BICD2: variants seen among roughly 807,000 people sequenced by gnomAD.
The protein encoded by BICD2 is protein bicaudal D homolog 2.
A neutral mutation model predicts 72.9 loss-of-function variants in BICD2; 25 were observed. The observed-to-expected ratio is 0.34, with a 90% CI of 0.25 to 0.48. The LOEUF (loss-of-function observed/expected upper bound fraction) is 0.48. BICD2 is among the 20% of genes least tolerant of loss of function. The probability of loss-of-function intolerance (pLI) is 0.99; values close to 1 mark genes in which losing one functional copy is unlikely to be tolerated. For synonymous variants in BICD2, 501 were observed against 516.1 expected, an observed-to-expected ratio of 0.97 and a Z score of 0.40; for missense variants, 894 against 1,175.2, an observed-to-expected ratio of 0.76 and a Z score of 3.50.
chr9:92,718,930 C>A lies in BICD2; in HGVS notation c.1715G>T (p.Arg572Leu), dbSNP rs777902159. 1 of 1,607,484 alleles carries A rather than the reference C, an allele frequency of 6.2e-7. No individual in the cohort carries two copies. Among genetic ancestry groups the A allele is most frequent in the South Asian group, 1.1e-5 (1 of 90,848 alleles). ...GGAGRTSPGG[R>L]TSPEARGRRS... ...CCGGCCACGCGCCTCGGGGCTGGTG[C>A]GGCCCCCGGGACTGGTGCGGCCGGC... Residue 572 changes from arginine to leucine, a missense_variant, in exon 5 of 7, where the codon CGC becomes CTC. Coordinates refer to ENST00000356884, the MANE Select transcript of BICD2 (RefSeq NM_001003800.2).
chr9:92,715,748 C>T lies in BICD2; in HGVS notation c.2259-285G>A, dbSNP rs115497220. Among the ~76,000 whole-genome samples the T allele has an allele frequency of 9.0e-3, 1,371 of 152,316 alleles. 22 individuals are homozygous for T. Among genetic ancestry groups the T allele is most frequent in the African/African-American group, 0.032 (1,323 of 41,562 alleles). ...TTGTGGTTTTGTGGGGGAGGGGCTG[C>T]TTTGCTCTTTCAGCTGCATGTAGTG... On this transcript the variant is annotated intron_variant, in intron 6 of 6. Coordinates refer to ENST00000356884, the MANE Select transcript of BICD2 (RefSeq NM_001003800.2).
rs924132338 is a variant in BICD2 at position 92,711,823 on chromosome 9, T to C, written c.*3331A>G. On this transcript the variant is annotated 3_prime_UTR_variant, in exon 7 of 7. Coordinates refer to ENST00000356884, the MANE Select transcript of BICD2 (RefSeq NM_001003800.2). ...CTTATTCCAGGAAACAGAATTCTTTTATTTTTGTCATTTATATTATTATAA... is the reference window on the plus strand; with the variant it reads ...CTTATTCCAGGAAACAGAATTCTTTCATTTTTGTCATTTATATTATTATAA... 1 of 152,516 alleles carries C rather than the reference T, an allele frequency of 6.6e-6. No homozygotes were observed. Among genetic ancestry groups the C allele is most frequent in the Non-Finnish European group, 1.5e-5 (1 of 68,042 alleles). The allele number at this position is 152,516 out of a possible 1,614,324, so 9.4% of individuals were successfully genotyped here.
intron 1 of BICD2, among the ~76,000 whole-genome samples, chr9:92,760,800 G>A (rs772957214): frequency 6.6e-6 from 1 of 152,124 alleles, no homozygotes; most frequent in Non-Finnish European, 1.5e-5. Flanking sequence ...AGGCCCTTGG[G>A]TCTCCCAGAG....
Position 92,713,289 on chromosome 9 carries a change from TA to T in BICD2, c.*1864del. The T allele has an allele frequency of 2.6e-6, 2 of 770,858 alleles. No homozygotes were observed. Among genetic ancestry groups the T allele is most frequent in the East Asian group, 2.7e-5 (1 of 36,656 alleles). The allele number at this position is 770,858 out of a possible 1,614,324, so 47.8% of individuals were successfully genotyped here. A position where few individuals can be genotyped will look rare whatever the true frequency, so the allele number is the denominator to read the frequency against. On this transcript the variant is annotated 3_prime_UTR_variant, in exon 7 of 7. Coordinates refer to ENST00000356884, the MANE Select transcript of BICD2 (RefSeq NM_001003800.2). The stretch of plus-strand genomic sequence containing the variant: ...ACATTAAAGCTTTTTTTCCTCCCAT[TA>T]AAAACCTGGGGAATGCTATTTTGAA...
chr9:92,721,095 C>A (rs1057020747), intron 3 of BICD2, among the ~76,000 whole-genome samples: 4 of 152,198 alleles, frequency 2.6e-5, no homozygotes, highest in Admixed American at 6.5e-5. Context: ...GGAGATGCAC[C>A]AAGAACAACA....
intron 2 of BICD2, among the ~76,000 whole-genome samples, chr9:92,723,660 C>A (rs1217574445): frequency 1.3e-5 from 2 of 152,172 alleles, no homozygotes; most frequent in Non-Finnish European, 2.9e-5. Context: ...ATAAAATACA[C>A]TGAGTTGTAC....
chr9:92,764,814 G>GCCGCCGCCGCCA lies in BICD2; in HGVS notation c.-71_-70insTGGCGGCGGCGG. On this transcript the variant is annotated 5_prime_UTR_variant, in exon 1 of 7. Transcript: ENST00000356884. The surrounding 1 kb of genome is among the most constrained non-coding windows in gnomAD (Gnocchi z 5.5). The stretch of plus-strand genomic sequence containing the variant: ...CGGGCCCTCCTCAGCCGCCGCCGCT[G>GCCGCCGCCGCCA]CCGCCGCCGCCGCCGCCCTGCCCCG... 1 of 1,102,564 alleles carries GCCGCCGCCGCCA rather than the reference G, an allele frequency of 9.1e-7. No homozygotes were observed. Among genetic ancestry groups the GCCGCCGCCGCCA allele is most frequent in the Non-Finnish European group, 1.1e-6 (1 of 900,132 alleles). The allele number at this position is 1,102,564 out of a possible 1,614,324, so 68.3% of individuals were successfully genotyped here.
At position 92,735,321 on chromosome 9, in the gene BICD2, G is replaced by A. The variant is rs536779140; in HGVS notation, c.241-6085C>T. 7.9e-4 allele frequency among the ~76,000 whole-genome samples: 120 copies of A among 152,220 alleles called. 1 individual carries two copies. In the South Asian group the frequency reaches 1.0e-2, roughly 13 times the overall value. On this transcript the variant is annotated intron_variant, in intron 1 of 6. Coordinates refer to ENST00000356884, the MANE Select transcript of BICD2 (RefSeq NM_001003800.2). Reference sequence around the variant, plus strand: ...AGGTCCTGCACAGTGGCATGGCCTCGGGACAGGCTGCAGGACAGACGCTGG... The same window carrying A: ...AGGTCCTGCACAGTGGCATGGCCTCAGGACAGGCTGCAGGACAGACGCTGG...
chr9:92,740,195 C>G (rs1430675086), intron 1 of BICD2, among the ~76,000 whole-genome samples: 1 of 152,034 alleles, frequency 6.6e-6, no homozygotes, highest in African/African-American at 2.4e-5. Context: ...TACCAGGACT[C>G]AGGGCATAAG....
At chr9:92,749,625 G>A (rs1854106660) in intron 1 of BICD2, among the ~76,000 whole-genome samples, 1 of 152,252 alleles carries the variant, frequency 6.6e-6, no homozygotes, top group South Asian at 2.1e-4. Flanking sequence ...TCCCTGGGCA[G>A]GAGGGATTTA....
In BICD2 at chr9:92,711,864, A is replaced by AG. The variant is rs1468510303; in HGVS notation, c.*3289dup. 3.9e-5 allele frequency: 6 copies of AG among 152,366 alleles called. No individual in the cohort carries two copies. Among genetic ancestry groups the AG allele is most frequent in the Non-Finnish European group, 8.8e-5 (6 of 67,988 alleles). The allele number at this position is 152,366 out of a possible 1,614,324, so 9.4% of individuals were successfully genotyped here. ...ATTATTATAATTTTTCCTTTTTTGGAGAAGGAAGGACAGTTTTTCTTCCTC... is the reference window on the plus strand; with the variant it reads ...ATTATTATAATTTTTCCTTTTTTGGAGGAAGGAAGGACAGTTTTTCTTCCTC... On this transcript the variant is annotated 3_prime_UTR_variant, in exon 7 of 7. Coordinates refer to ENST00000356884, the MANE Select transcript of BICD2 (RefSeq NM_001003800.2).
At position 92,764,654 on chromosome 9, in the gene BICD2, G is replaced by T; in HGVS notation, c.91C>A (p.His31Asn). ...TCACGCGTGGTCTCGGCCAGCTCGT[G>T]GGACAGCCGCTTCACCTCGGCGCGC... Reference protein sequence around the residue: ...WLRAEVKRLSHELAETTREKI... With the variant: ...WLRAEVKRLSNELAETTREKI... The change falls in exon 1 of 7, where the codon CAC (histidine) becomes AAC (asparagine). Residue 31 changes from histidine (H) to asparagine (N), a missense_variant. His to Asn is a moderately conservative substitution (Grantham distance 68). Transcript: ENST00000356884. This position sits in a 1 kb window ranked among gnomAD's most constrained non-coding sequence, Gnocchi z 5.5. The T allele has an allele frequency of 6.3e-7, 1 of 1,592,140 alleles. No individual in the cohort carries two copies.
Position 92,713,273 on chromosome 9 carries a change from C to CT in BICD2, c.*1880dup. ...GCTCGCAGCATGCTCAACATTAAAGCTTTTTTTCCTCCCATTAAAAACCTG... is the reference window on the plus strand; with the variant it reads ...GCTCGCAGCATGCTCAACATTAAAGCTTTTTTTTCCTCCCATTAAAAACCTG... On this transcript the variant is annotated 3_prime_UTR_variant, in exon 7 of 7. Transcript: ENST00000356884. The CT allele has an allele frequency of 2.9e-6, 2 of 692,558 alleles. No individual in the cohort carries two copies. The highest frequency in any genetic ancestry group is 4.8e-6 in the Non-Finnish European group (2 of 412,916). The allele number at this position is 692,558 out of a possible 1,614,324, so 42.9% of individuals were successfully genotyped here. A position where few individuals can be genotyped will look rare whatever the true frequency, so the allele number is the denominator to read the frequency against.
chr9:92,719,410 T>C lies in BICD2; in HGVS notation c.1235A>G (p.Asn412Ser). Residue 412 changes from asparagine to serine, a missense_variant, in exon 5 of 7, where the codon AAC (asparagine) becomes AGC (serine). Physicochemically the swap from Asn to Ser is conservative, Grantham distance 46. Coordinates refer to ENST00000356884, the MANE Select transcript of BICD2 (RefSeq NM_001003800.2). Reference sequence around the variant, plus strand: ...CTCATGGCTGTCACGGTCCTTCTCGTTGTCCAGGGCTGTCTGCCGCTCCTT... The same window carrying C: ...CTCATGGCTGTCACGGTCCTTCTCGCTGTCCAGGGCTGTCTGCCGCTCCTT... Reference protein sequence around the residue: ...ASKERQTALDNEKDRDSHEDG... With the variant: ...ASKERQTALDSEKDRDSHEDG... The C allele has an allele frequency of 1.9e-6, 3 of 1,614,124 alleles. No homozygotes were observed. The highest frequency in any genetic ancestry group is 2.5e-6 in the Non-Finnish European group (3 of 1,179,994).
chr9:92,719,226 G>C lies in BICD2; in HGVS notation c.1419C>G (p.Arg473=). The change falls in exon 5 of 7, where the codon CGC becomes CGG. Residue 473 remains arginine, a synonymous_variant. Transcript: ENST00000356884. ...TGAGTGCCTGGCCCTCAGCCTCATA[G>C]CGGCCCTTCTCCTCGGCGTGCTGGG... ...REAQHAEEKG[R]YEAEGQALTE... 6.2e-7 allele frequency: 1 copy of C among 1,611,800 alleles called. No individual in the cohort carries two copies. Among genetic ancestry groups the C allele is most frequent in the African/African-American group, 1.3e-5 (1 of 75,064 alleles).
intron 1 of BICD2, among the ~76,000 whole-genome samples, chr9:92,760,054 T>A (rs761863181): frequency 6.6e-6 from 1 of 152,158 alleles, no homozygotes; most frequent in Non-Finnish European, 1.5e-5. Context: ...ATCATTAACC[T>A]ATCACGGCCC....
rs139300033 is a variant in BICD2 at position 92,726,833 on chromosome 9, A to G, written c.453+2191T>C. ...CTCTCTTCCCCACAAGACCTGCAGC[A>G]TCTTTAACTTGCTGTGCTCATTTCC... On this transcript the variant is annotated intron_variant, in intron 2 of 6. Coordinates refer to ENST00000356884, the MANE Select transcript of BICD2 (RefSeq NM_001003800.2). 3.3e-4 allele frequency among the ~76,000 whole-genome samples: 51 copies of G among 152,304 alleles called. No individual in the cohort carries two copies. The East Asian group carries it at 8.7e-3, about 26-fold the overall frequency.
Position 92,719,718 on chromosome 9 carries a change from G to C in BICD2, c.1063-136C>G, listed in dbSNP as rs1853419628. The C allele has an allele frequency of 7.1e-6, 6 of 848,138 alleles. No homozygotes were observed. In the South Asian group the frequency reaches 7.2e-5, roughly 10 times the overall value. 52.5% of individuals were successfully genotyped at this position (848,138 alleles called of 1,614,324 possible). On this transcript the variant is annotated intron_variant, in intron 4 of 6. Transcript: ENST00000356884. ...CAGCCCCAGGTTCCTTGGCCATGCT[G>C]TCAGTGAGGTGGACAAAGACACACA...
intron 1 of BICD2, among the ~76,000 whole-genome samples, chr9:92,736,239 CCAA>C (rs1853785247): frequency 2.0e-5 from 3 of 152,296 alleles, no homozygotes; most frequent in Middle Eastern, 3.4e-3. Flanking sequence ...CCACCAAAAC[CCAA>C]CAAAACCAAG....
Sources: allele counts gnomAD v4.1 joint callset (sites outside exome capture counted in the v4.1 genomes callset), GRCh38; gene constraint gnomAD v4.1.1; non-coding constraint Gnocchi (gnomAD v3.1); transcripts MANE v1.5; gene names NCBI Gene and HGNC (gene_info 2026-07-23, HGNC 2026-07-21).